Variants in PVT1 observed in about 807,000 individuals in gnomAD.
PVT1 encodes the protein Pvt1 oncogene.
At chr8:127,917,964 G>A (rs1816007580) in intron 3 of PVT1, among the ~76,000 whole-genome samples, 1 of 144,008 alleles carries the variant, frequency 6.9e-6, no homozygotes, top group Non-Finnish European at 1.5e-5. Flanking sequence ...GGACAAGGCA[G>A]CATTTCTAAT....
chr8:127,942,804 C>T lies in PVT1; in HGVS notation n.783-46358C>T, dbSNP rs190347534. 3.2e-3 allele frequency among the ~76,000 whole-genome samples: 494 copies of T among 152,338 alleles called. 10 individuals carry two copies. Among genetic ancestry groups the T allele is most frequent in the Non-Finnish European group, 2.1e-3 (141 of 68,032 alleles). On this transcript the variant is annotated intron_variant and non_coding_transcript_variant, in intron 3 of 10. Transcript: ENST00000651587. ...CTCCTTGAAGCTGCGCATCGACTCT[C>T]CTGTCCTGGGTACTCTTTAGGTAGT...
intron 3 of PVT1, among the ~76,000 whole-genome samples, chr8:127,923,988 A>G (rs967099447): frequency 1.3e-5 from 2 of 152,214 alleles, no homozygotes; most frequent in East Asian, 3.8e-4. Flanking sequence ...GGGGCAGGAG[A>G]CAAAATAAGA....
intron 2 of PVT1, among the ~76,000 whole-genome samples, chr8:127,804,854 C>T (rs1236561065): frequency 6.6e-6 from 1 of 150,842 alleles, no homozygotes; most frequent in African/African-American, 2.4e-5. Flanking sequence ...CACATCTGGA[C>T]ACATCCTGAT....
At chr8:127,878,938 G>T (rs1006957171) in intron 2 of PVT1, among the ~76,000 whole-genome samples, 5 of 152,204 alleles carry the variant, frequency 3.3e-5, no homozygotes, top group African/African-American at 1.2e-4. Context: ...TATGGCTTCA[G>T]GCCACAACTA....
chr8:127,832,180 T>C (rs1342676134), intron 2 of PVT1, among the ~76,000 whole-genome samples: 1 of 152,160 alleles, frequency 6.6e-6, no homozygotes, highest in Non-Finnish European at 1.5e-5. Context: ...CAGTGTTTTG[T>C]GGTTTGCTAC....
intron 3 of PVT1, among the ~76,000 whole-genome samples, chr8:127,953,602 A>G (rs560242175): frequency 4.5e-4 from 69 of 152,354 alleles, no homozygotes; most frequent in African/African-American, 1.2e-3. Context: ...CAAATTAACC[A>G]TGAGATAAAT....
chr8:127,970,788 A>G (rs1027343126), intron 3 of PVT1, among the ~76,000 whole-genome samples: 1 of 152,214 alleles, frequency 6.6e-6, no homozygotes, highest in African/African-American at 2.4e-5. Flanking sequence ...GGAAACCTCA[A>G]AAAACTGAGA....
At chr8:127,871,446 C>T (rs1451640317) in intron 2 of PVT1, among the ~76,000 whole-genome samples, 2 of 152,152 alleles carry the variant, frequency 1.3e-5, no homozygotes, top group East Asian at 1.9e-4. Context: ...GATGTCGGCA[C>T]AGCTGATGAG....
At chr8:127,897,890 AG>A (rs1815705062) in intron 3 of PVT1, among the ~76,000 whole-genome samples, 3 of 150,554 alleles carry the variant, frequency 2.0e-5, no homozygotes, top group African/African-American at 7.3e-5. Flanking sequence ...AAAGAAAGAA[AG>A]AAAGAAAGAA....
intron 2 of PVT1, among the ~76,000 whole-genome samples, chr8:127,810,828 TA>T (rs1814586438): frequency 6.6e-6 from 1 of 152,106 alleles, no homozygotes; most frequent in African/African-American, 2.4e-5. Flanking sequence ...ATGACTGCAT[TA>T]AGGGGTCACC....
At chr8:127,818,113 G>T (rs1814687724) in intron 2 of PVT1, among the ~76,000 whole-genome samples, 1 of 152,164 alleles carries the variant, frequency 6.6e-6, no homozygotes, top group Non-Finnish European at 1.5e-5. Context: ...AGTCCGGCTG[G>T]ATTGTGGCTT....
intron 3 of PVT1, among the ~76,000 whole-genome samples, chr8:127,903,353 T>C (rs745520417): frequency 6.6e-6 from 1 of 152,266 alleles, no homozygotes; most frequent in Non-Finnish European, 1.5e-5. Context: ...ATGCATACTT[T>C]GTGAATATTT....
intron 2 of PVT1, among the ~76,000 whole-genome samples, chr8:127,837,759 T>C (rs1478366714): frequency 6.6e-6 from 1 of 152,130 alleles, no homozygotes; most frequent in Non-Finnish European, 1.5e-5. Flanking sequence ...AGCTCATGGC[T>C]AGGATTTGGA....
intron 2 of PVT1, among the ~76,000 whole-genome samples, chr8:127,847,634 G>A (rs751039367): frequency 1.1e-4 from 17 of 152,204 alleles, no homozygotes; most frequent in Non-Finnish European, 2.2e-4. Flanking sequence ...GGCAAGATGC[G>A]GAAAGGAATA....
intron 2 of PVT1, among the ~76,000 whole-genome samples, chr8:127,804,532 A>T (rs1323421470): frequency 3.6e-5 from 5 of 137,114 alleles, no homozygotes; most frequent in Non-Finnish European, 4.6e-5. Context: ...TATATGTTGC[A>T]TCCTGATTTT....
At chr8:128,048,956 G>T (rs888361707) in intron 4 of PVT1, among the ~76,000 whole-genome samples, 3 of 152,292 alleles carry the variant, frequency 2.0e-5, no homozygotes, top group Admixed American at 2.0e-4. Flanking sequence ...GGCTGCCCAG[G>T]GTTTTCAGCT....
At chr8:127,801,091 G>A (rs62512763) in intron 2 of PVT1, among the ~76,000 whole-genome samples, 1,880 of 152,318 alleles carry the variant, frequency 0.012, 38 homozygotes, top group Middle Eastern at 0.02. Flanking sequence ...GGAGCAGCCA[G>A]GAGAAGCGTG....
intron 2 of PVT1, among the ~76,000 whole-genome samples, chr8:127,858,659 C>T (rs2721134): frequency 6.6e-6 from 1 of 151,768 alleles, no homozygotes; most frequent in African/African-American, 2.4e-5. Flanking sequence ...ACAAGGATTT[C>T]TGGAACTGCA....
intron 4 of PVT1, among the ~76,000 whole-genome samples, chr8:128,061,288 G>C (rs1234921527): frequency 6.6e-6 from 1 of 152,162 alleles, no homozygotes. Flanking sequence ...TCTTCACTTG[G>C]CATAATGTTT....
Sources: allele counts gnomAD v4.1 joint callset (sites outside exome capture counted in the v4.1 genomes callset), GRCh38; gene constraint gnomAD v4.1.1; transcripts MANE v1.5; gene names NCBI Gene and HGNC (gene_info 2026-07-23, HGNC 2026-07-21).